PAFAH1B1: variants seen among roughly 807,000 people sequenced by gnomAD.
PAFAH1B1 encodes platelet activating factor acetylhydrolase 1b regulatory subunit 1.
In PAFAH1B1, 2 loss-of-function variants were observed where a neutral mutation model predicts 57.5. That is an observed-to-expected ratio of 0.03 (90% CI 0.01 to 0.11). The LOEUF is 0.11. Ranked by LOEUF, PAFAH1B1 falls within the 10% of genes least tolerant of loss-of-function variation. The pLI, the probability that PAFAH1B1 is intolerant of heterozygous loss-of-function variation, is 1.00. For synonymous variants in PAFAH1B1, 152 were observed against 169.6 expected, an observed-to-expected ratio of 0.90 and a Z score of 0.81; for missense variants, 257 against 512.0, an observed-to-expected ratio of 0.50 and a Z score of 4.81.
intron 1 of PAFAH1B1, among the ~76,000 whole-genome samples, chr17:2,621,981 A>G (rs529958491): frequency 1.3e-5 from 2 of 152,294 alleles, no homozygotes; most frequent in African/African-American, 4.8e-5. Flanking sequence ...AAAAATGAGG[A>G]AGAAGCAAAA....
At chr17:2,655,183 ATGTGTGTG>A (rs34493806) in intron 2 of PAFAH1B1, among the ~76,000 whole-genome samples, 77 of 143,928 alleles carry the variant, frequency 5.3e-4, no homozygotes, top group Non-Finnish European at 5.2e-4. Flanking sequence ...ATATACATAT[ATGTGTGTG>A]TGTGTGTGTG....
chr17:2,628,958 G>A (rs2068524400), intron 1 of PAFAH1B1, among the ~76,000 whole-genome samples: 2 of 152,016 alleles, frequency 1.3e-5, no homozygotes, highest in Non-Finnish European at 2.9e-5. Flanking sequence ...TTCTTAGTGA[G>A]GTTATTTGGA....
At chr17:2,603,651 A>T (rs923304418) in intron 1 of PAFAH1B1, among the ~76,000 whole-genome samples, 1 of 152,086 alleles carries the variant, frequency 6.6e-6, no homozygotes. Context: ...GTATATATGT[A>T]TACACACACA....
chr17:2,613,910 A>T, intron 1 of PAFAH1B1: 1 of 190,844 alleles, frequency 5.2e-6, no homozygotes, highest in Non-Finnish European at 1.1e-5. Context: ...GCCCAGGGTG[A>T]TGTGAGGGGC....
At chr17:2,633,166 CTTTCT>C (rs1262214278) in intron 1 of PAFAH1B1, among the ~76,000 whole-genome samples, 2 of 149,138 alleles carry the variant, frequency 1.3e-5, no homozygotes, top group African/African-American at 2.5e-5. Context: ...TTTTCTTTTT[CTTTCT>C]TTTCTTTTTT....
At chr17:2,672,937 G>T (rs374418956) in intron 7 of PAFAH1B1, among the ~76,000 whole-genome samples, 180 bp downstream of exon 7, 1 of 151,860 alleles carries the variant, frequency 6.6e-6, no homozygotes, top group African/African-American at 2.4e-5. Flanking sequence ...GTGTGGTGGC[G>T]CACACCTGTA....
chr17:2,676,632 C>A (rs1230696418), intron 9 of PAFAH1B1, 26 bp downstream of exon 9: 1 of 1,291,146 alleles, frequency 7.7e-7, no homozygotes, highest in East Asian at 2.3e-5. Context: ...CTTACCATTT[C>A]TTTTGCATCT....
chr17:2,611,471 G>T (rs561023330), intron 1 of PAFAH1B1, among the ~76,000 whole-genome samples: 1 of 146,856 alleles, frequency 6.8e-6, no homozygotes, highest in Non-Finnish European at 1.5e-5. Context: ...CCGTCTCGGG[G>T]CAAAAAAAAA....
chr17:2,651,476 T>G (rs1162097464), intron 2 of PAFAH1B1, among the ~76,000 whole-genome samples: 1 of 151,458 alleles, frequency 6.6e-6, no homozygotes, highest in Non-Finnish European at 1.5e-5. Context: ...CCCAGCTACT[T>G]TGGGAGGCTG....
intron 2 of PAFAH1B1, among the ~76,000 whole-genome samples, chr17:2,643,338 C>T (rs911035521): frequency 2.6e-5 from 4 of 152,072 alleles, no homozygotes; most frequent in African/African-American, 7.2e-5. Context: ...AGGCAGGTCT[C>T]GAACTCCTGG....
intron 6 of PAFAH1B1, 124 bp downstream of exon 6, chr17:2,670,455 C>A: frequency 1.1e-6 from 1 of 951,998 alleles, no homozygotes; most frequent in Non-Finnish European, 1.7e-6. Flanking sequence ...GGTGGAAGAG[C>A]ATACCATGTA....
At chr17:2,621,285 CTCA>C (rs1332172531) in intron 1 of PAFAH1B1, among the ~76,000 whole-genome samples, 3 of 152,190 alleles carry the variant, frequency 2.0e-5, no homozygotes, top group Non-Finnish European at 4.4e-5. Flanking sequence ...TCCACATGTT[CTCA>C]TCATTTAGCT....
At position 2,659,434 on chromosome 17, in the gene PAFAH1B1, G is replaced by A. The variant is rs552465809; in HGVS notation, c.33-5938G>A. The A allele has an allele frequency of 6.6e-3, 1,869 of 282,664 alleles. 19 individuals carry two copies. The highest frequency in any genetic ancestry group is 0.015 in the South Asian group (527 of 35,588). 17.5% of individuals were successfully genotyped at this position (282,664 alleles called of 1,614,324 possible). On this transcript the variant is annotated intron_variant, in intron 2 of 10. Transcript: ENST00000397195. Reference sequence around the variant, plus strand: ...CGCCTGTAGTCCCAGCTACTCGGGAGGCTGAGCCAGGAGAATCGTGAGGTT... The same window carrying A: ...CGCCTGTAGTCCCAGCTACTCGGGAAGCTGAGCCAGGAGAATCGTGAGGTT...
rs1481447491 is a variant in PAFAH1B1, at chr17:2,593,717, G to A, written c.-480G>A. 2 of 333,236 alleles carry A rather than the reference G, an allele frequency of 6.0e-6. No homozygotes were observed. Among genetic ancestry groups the A allele is most frequent in the Non-Finnish European group, 1.1e-5 (2 of 185,048 alleles). 20.6% of individuals were successfully genotyped at this position (333,236 alleles called of 1,614,324 possible). A position where few individuals can be genotyped will look rare whatever the true frequency, so the allele number is the denominator to read the frequency against. On this transcript the variant is annotated 5_prime_UTR_variant, in exon 1 of 11. Transcript: ENST00000397195. ...CGGCCGGGAGAGCGAGTGAGCGAGC[G>A]GAGGAGCAGCGACACGGGAGTCTAG...
At chr17:2,664,193 A>G (rs137945374) in intron 2 of PAFAH1B1, among the ~76,000 whole-genome samples, 113 of 152,296 alleles carry the variant, frequency 7.4e-4, no homozygotes, top group African/African-American at 2.7e-3. Context: ...TAAACATACC[A>G]TTGAATTAAA....
chr17:2,634,934 C>T (rs1226579327), intron 1 of PAFAH1B1, among the ~76,000 whole-genome samples: 4 of 152,048 alleles, frequency 2.6e-5, no homozygotes, highest in Admixed American at 1.3e-4. Flanking sequence ...AGACCAAGGC[C>T]GGCGGATCAC....
At chr17:2,661,521 GTGTC>G (rs1427496529) in intron 2 of PAFAH1B1, among the ~76,000 whole-genome samples, 2 of 152,106 alleles carry the variant, frequency 1.3e-5, no homozygotes, top group African/African-American at 4.8e-5. Context: ...CTTGGTCTGT[GTGTC>G]TGTTTTGGTA....
rs773975872 is a variant in PAFAH1B1, at chr17:2,670,269, C to G, written c.506C>G (p.Ser169Cys). The G allele has an allele frequency of 1.2e-6, 2 of 1,614,150 alleles. No homozygotes were observed. The highest frequency in any genetic ancestry group is 1.7e-6 in the Non-Finnish European group (2 of 1,179,998). ...AGCGGCAAGCTTCTGGCTTCCTGTT[C>G]TGCAGATATGACCATTAAACTATGG... ...DHSGKLLASCSADMTIKLWDF... is the reference protein window; with the variant it reads ...DHSGKLLASCCADMTIKLWDF... Residue 169 changes from serine to cysteine, a missense_variant, in exon 6 of 11, where the codon TCT (serine) becomes TGT (cysteine). Coordinates refer to ENST00000397195, the MANE Select transcript of PAFAH1B1 (RefSeq NM_000430.4).
intron 1 of PAFAH1B1, among the ~76,000 whole-genome samples, chr17:2,619,207 C>T (rs963508728): frequency 4.6e-5 from 7 of 151,832 alleles, no homozygotes; most frequent in African/African-American, 1.2e-4. Flanking sequence ...TTTCGTGTAG[C>T]GGCGTAATCA....
Sources: gnomAD v4.1 joint callset for allele counts (sites outside exome capture counted in the v4.1 genomes callset) on GRCh38, gnomAD v4.1.1 for gene constraint, MANE v1.5 for transcripts, NCBI Gene and HGNC (gene_info 2026-07-23, HGNC 2026-07-21) for gene names.